Variants in PRUNE2 observed in about 807,000 individuals in gnomAD.
The protein encoded by PRUNE2 is prune homolog 2 with BCH domain, also known as protein prune homolog 2.
Under a neutral mutation model 252.0 loss-of-function variants are expected in PRUNE2, and 164 were observed. The ratio of observed to expected loss-of-function variants is 0.65; its 90% CI spans 0.57 to 0.74. The LOEUF is 0.74. Ranked by LOEUF, PRUNE2 falls within the 30% of genes least tolerant of loss-of-function variation. The pLI is 0.00. For missense variants in PRUNE2, 3,495 were observed against 3,711.0 expected, an observed-to-expected ratio of 0.94 and a Z score of 1.51; for synonymous variants, 1,292 against 1,350.2, an observed-to-expected ratio of 0.96 and a Z score of 0.94.
At chr9:76,718,576 C>A (rs2047360815) in intron 6 of PRUNE2, among the ~76,000 whole-genome samples, 1 of 152,196 alleles carries the variant, frequency 6.6e-6, no homozygotes, top group Non-Finnish European at 1.5e-5. Flanking sequence ...TTGTTTTTCT[C>A]CGGATTCACC....
intron 6 of PRUNE2, among the ~76,000 whole-genome samples, chr9:76,810,410 C>T (rs1316610414): frequency 6.6e-6 from 1 of 152,164 alleles, no homozygotes; most frequent in African/African-American, 2.4e-5. Context: ...TCAAATTATT[C>T]AAGGTATTGA....
intron 1 of PRUNE2, among the ~76,000 whole-genome samples, chr9:76,884,222 CACTGCA>C (rs2061957747): frequency 6.6e-6 from 1 of 152,168 alleles, no homozygotes. Flanking sequence ...TCCCTGGTTT[CACTGCA>C]ACCCAAATAA....
chr9:76,716,391 C>T lies in PRUNE2; in HGVS notation c.757-2670G>A, dbSNP rs910292147. On this transcript the variant is annotated intron_variant, in intron 6 of 18. Coordinates refer to ENST00000376718, the MANE Select transcript of PRUNE2 (RefSeq NM_015225.3). ...CAACAATCCTAGGAATTGGAATGCA[C>T]GTTGAAATCTGAAAAGCACTACTCC... Among the ~76,000 whole-genome samples, 3 of 152,256 alleles carry T rather than the reference C, an allele frequency of 2.0e-5. No homozygotes were observed. In the East Asian group the frequency reaches 5.8e-4, roughly 29 times the overall value.
intron 3 of PRUNE2, among the ~76,000 whole-genome samples, chr9:76,848,798 A>T (rs150693236): frequency 7.2e-5 from 11 of 152,352 alleles, no homozygotes; most frequent in Admixed American, 3.9e-4. Flanking sequence ...ATGAGTTAGC[A>T]ATGCTTAAGT....
intron 6 of PRUNE2, among the ~76,000 whole-genome samples, chr9:76,800,296 C>T (rs1390461258): frequency 1.3e-5 from 2 of 151,642 alleles, no homozygotes; most frequent in Admixed American, 1.3e-4. Flanking sequence ...TGAGAACATG[C>T]GGTGTTTGGT....
chr9:76,869,283 T>C (rs899295311), intron 1 of PRUNE2: 2 of 152,226 alleles, frequency 1.3e-5, no homozygotes, highest in African/African-American at 2.4e-5. Flanking sequence ...AGGAGAAGAT[T>C]GTTTCCAGTA....
intron 9 of PRUNE2, among the ~76,000 whole-genome samples, chr9:76,691,792 A>T (rs769312275): frequency 2.9e-4 from 44 of 152,212 alleles, no homozygotes; most frequent in Non-Finnish European, 4.4e-4. Context: ...CAAAATGATT[A>T]CAGCTGTGCA....
chr9:76,768,623 G>GTGTGTGTA (rs1491356086), intron 6 of PRUNE2, among the ~76,000 whole-genome samples: 29 of 130,234 alleles, frequency 2.2e-4, no homozygotes, highest in African/African-American at 7.5e-4. Context: ...GTGTGTGTGT[G>GTGTGTGTA]TATATCCCTG....
At chr9:76,669,574 C>A (rs181046189) in intron 9 of PRUNE2, among the ~76,000 whole-genome samples, 1 of 152,328 alleles carries the variant, frequency 6.6e-6, no homozygotes, top group Admixed American at 6.5e-5. Flanking sequence ...CCCACGTTAG[C>A]CTCCCAAAGT....
intron 1 of PRUNE2, among the ~76,000 whole-genome samples, chr9:76,870,396 A>T (rs966689824): frequency 2.6e-5 from 4 of 152,094 alleles, no homozygotes; most frequent in South Asian, 2.1e-4. Flanking sequence ...CTAAAAAAAA[A>T]ATCCTCCGGC....
intron 1 of PRUNE2, among the ~76,000 whole-genome samples, chr9:76,898,722 GA>G (rs1346180479): frequency 1.3e-5 from 2 of 152,108 alleles, no homozygotes; most frequent in Non-Finnish European, 2.9e-5. Context: ...CCTAGGCTAA[GA>G]AAATGAAGCA....
Position 76,654,956 on chromosome 9 carries a change from C to T in PRUNE2, c.8356+467G>A, listed in dbSNP as rs533046189. Among the ~76,000 whole-genome samples the T allele has an allele frequency of 6.2e-4, 95 of 152,190 alleles. 1 individual carries two copies. The highest frequency in any genetic ancestry group is 2.2e-3 in the African/African-American group (93 of 41,536). ...AAGTTGCAATTGAAAAATTAAATTCCTTTTTGTGTATGCCTTGGGTTGTAA... is the reference window on the plus strand; with the variant it reads ...AAGTTGCAATTGAAAAATTAAATTCTTTTTTGTGTATGCCTTGGGTTGTAA... On this transcript the variant is annotated intron_variant, in intron 10 of 18. Coordinates refer to ENST00000376718, the MANE Select transcript of PRUNE2 (RefSeq NM_015225.3).
In PRUNE2 at chr9:76,738,274, C is replaced by T. The variant is rs182556997; in HGVS notation, c.757-24553G>A. On this transcript the variant is annotated intron_variant, in intron 6 of 18. Coordinates refer to ENST00000376718, the MANE Select transcript of PRUNE2 (RefSeq NM_015225.3). ...TTAAACACGGGTTTTTTCACTAAAT[C>T]GCGTCCACTGAGCCCCATGGAGCCC... is the stretch of plus-strand genomic sequence containing the variant. The T allele has an allele frequency of 5.3e-5, 8 of 152,212 alleles. No individual in the cohort carries two copies. The East Asian group carries it at 1.3e-3, about 26-fold the overall frequency. 9.4% of individuals were successfully genotyped at this position (152,212 alleles called of 1,614,324 possible). A position where few individuals can be genotyped will look rare whatever the true frequency, so the allele number is the denominator to read the frequency against.
chr9:76,776,840 T>C lies in PRUNE2; in HGVS notation c.756+46792A>G, dbSNP rs142575486. On this transcript the variant is annotated intron_variant, in intron 6 of 18. Transcript: ENST00000376718. ...CAGCAGTTTTTTTTTTTTTTGTATG[T>C]TTGAAGATACATGAAGCTTTCTCTT... Among the ~76,000 whole-genome samples, 410 of 149,978 alleles carry C rather than the reference T, an allele frequency of 2.7e-3. 5 individuals carry two copies. Among genetic ancestry groups the C allele is most frequent in the African/African-American group, 9.9e-3 (402 of 40,546 alleles).
chr9:76,901,528 A>C (rs2063173127), intron 1 of PRUNE2, among the ~76,000 whole-genome samples: 1 of 152,192 alleles, frequency 6.6e-6, no homozygotes. Context: ...TGATACGCGG[A>C]ACTTTCTTCC....
chr9:76,765,166 T>C (rs562753972), intron 6 of PRUNE2, among the ~76,000 whole-genome samples: 51 of 152,182 alleles, frequency 3.4e-4, no homozygotes, highest in African/African-American at 1.1e-3. Context: ...TAGAGAAAAG[T>C]CAATGAGCTG....
rs1357112710 is a variant in PRUNE2 at position 76,710,147 on chromosome 9, T to C, written c.2127A>G (p.Glu709=). 4.3e-6 allele frequency: 7 copies of C among 1,613,748 alleles called. No homozygotes were observed. Among genetic ancestry groups the C allele is most frequent in the Non-Finnish European group, 5.9e-6 (7 of 1,179,864 alleles). Residue 709 remains glutamate, a synonymous_variant, in exon 8 of 19, where the codon GAA becomes GAG. Coordinates refer to ENST00000376718, the MANE Select transcript of PRUNE2 (RefSeq NM_015225.3). The part of the protein sequence containing the change: ...SDSVFQPKSL[E]FTKSGPWESE... ...ACTCCCAGGGACCTGACTTTGTAAA[T>C]TCGAGGCTCTTTGGTTGAAATACAG...
intron 6 of PRUNE2, among the ~76,000 whole-genome samples, chr9:76,776,416 A>C (rs1463976676): frequency 6.6e-6 from 1 of 152,062 alleles, no homozygotes; most frequent in Non-Finnish European, 1.5e-5. Context: ...GAATTATTTC[A>C]CATAGGATAA....
chr9:76,842,512 A>G (rs1320439291), intron 4 of PRUNE2, among the ~76,000 whole-genome samples: 1 of 151,698 alleles, frequency 6.6e-6, no homozygotes, highest in East Asian at 1.9e-4. Flanking sequence ...GAGCTTCTGC[A>G]CAGCAAAAGA....
Sources: gnomAD v4.1 joint callset for allele counts (sites outside exome capture counted in the v4.1 genomes callset) on GRCh38, gnomAD v4.1.1 for gene constraint, MANE v1.5 for transcripts, NCBI Gene and HGNC (gene_info 2026-07-23, HGNC 2026-07-21) for gene names.